CBLIF: variants seen among roughly 807,000 people sequenced by gnomAD.
CBLIF encodes the protein cobalamin binding intrinsic factor.
CBLIF carries 24 observed loss-of-function variants against 44.9 expected under a neutral mutation model. The ratio of observed to expected loss-of-function variants is 0.53; its 90% CI spans 0.39 to 0.75. The LOEUF (loss-of-function observed/expected upper bound fraction) is 0.75. CBLIF is among the 30% of genes least tolerant of loss of function. The pLI is 0.00. For synonymous variants in CBLIF, 183 were observed against 190.9 expected (o/e 0.96, Z 0.34); for missense variants, 481 against 513.0 (o/e 0.94, Z 0.60).
At chr11:59,842,421 G>A (rs202046221) in intron 4 of CBLIF, 22 bp downstream of exon 4, 18 of 1,612,618 alleles carry the variant, frequency 1.1e-5, no homozygotes, top group Middle Eastern at 1.9e-4. Context: ...TTCCCAGCTC[G>A]GGGTAGTGGT....
chr11:59,836,076 T>G, intron 6 of CBLIF, 67 bp from the exon 7 acceptor site: 1 of 1,238,982 alleles, frequency 8.1e-7, no homozygotes, highest in Non-Finnish European at 1.2e-6. Context: ...GCAAAATCTC[T>G]GTTATTGGCA....
At chr11:59,837,105 A>C in intron 6 of CBLIF, 69 bp downstream of exon 6, 6 of 1,196,034 alleles carry the variant, frequency 5.0e-6, no homozygotes, top group Non-Finnish European at 7.5e-6. Context: ...ATGCCACTTA[A>C]CATTGATCCA....
rs769709163 is a variant in CBLIF, at chr11:59,833,254, C to T, written c.1074-1458G>A. Among the ~76,000 whole-genome samples the T allele has an allele frequency of 5.9e-5, 9 of 152,234 alleles. No individual in the cohort carries two copies. The East Asian group carries it at 1.2e-3, about 20-fold the overall frequency. ...TTTTTGGGCCAGACGCAGTGGCTCACGCCAGTAATCCCAGCACTTTGGGAG... is the reference window on the plus strand; with the variant it reads ...TTTTTGGGCCAGACGCAGTGGCTCATGCCAGTAATCCCAGCACTTTGGGAG... On this transcript the variant is annotated intron_variant, in intron 7 of 8. Transcript: ENST00000257248.
chr11:59,841,067 A>G (rs1177520847), intron 5 of CBLIF, 76 bp downstream of exon 5: 2 of 1,042,192 alleles, frequency 1.9e-6, no homozygotes, highest in Non-Finnish European at 3.0e-6. Context: ...AGATGTTAGT[A>G]GAAGCCTGGC....
chr11:59,840,109 T>A (rs482844), intron 5 of CBLIF, among the ~76,000 whole-genome samples: 1 of 107,996 alleles, frequency 9.3e-6, no homozygotes, highest in African/African-American at 7.0e-5. Context: ...GAAGTGGAAA[T>A]TTTTTTTTTT....
chr11:59,841,546 A>G (rs1161423677), intron 4 of CBLIF, among the ~76,000 whole-genome samples: 1 of 152,234 alleles, frequency 6.6e-6, no homozygotes, highest in Non-Finnish European at 1.5e-5. Flanking sequence ...TGAAAGTTGC[A>G]TAACTTCGTT....
At chr11:59,842,337 C>G (rs1360062790) in intron 4 of CBLIF, 106 bp downstream of exon 4, 7 of 1,249,122 alleles carry the variant, frequency 5.6e-6, no homozygotes, top group Non-Finnish European at 8.2e-6. Context: ...ACATCCTTAG[C>G]TCCTCCTCCA....
chr11:59,845,174 A>T (rs956016751), intron 1 of CBLIF: 31 of 669,088 alleles, frequency 4.6e-5, no homozygotes, highest in Admixed American at 2.4e-4. Context: ...CATCTCTCTT[A>T]ATAAAAAACA....
At chr11:59,835,223 G>T (rs140958583) in intron 7 of CBLIF, among the ~76,000 whole-genome samples, 1 of 149,278 alleles carries the variant, frequency 6.7e-6, no homozygotes, top group Non-Finnish European at 1.5e-5. Context: ...TCGGCTCACC[G>T]CAACCTCCGT....
At chr11:59,830,254 T>G (rs1338846248) in intron 8 of CBLIF, among the ~76,000 whole-genome samples, 13 of 142,666 alleles carry the variant, frequency 9.1e-5, no homozygotes, top group Middle Eastern at 3.5e-3. Flanking sequence ...TTTTTTTTTT[T>G]GAAACGGAGT....
intron 7 of CBLIF, among the ~76,000 whole-genome samples, chr11:59,834,951 C>G (rs1866433735): frequency 6.6e-6 from 1 of 152,124 alleles, no homozygotes; most frequent in Non-Finnish European, 1.5e-5. Flanking sequence ...GTCTCCTATT[C>G]TCACGACCTA....
At chr11:59,834,336 CTTTTTCT>C (rs1866423910) in intron 7 of CBLIF, among the ~76,000 whole-genome samples, 1 of 132,720 alleles carries the variant, frequency 7.5e-6, no homozygotes, top group Non-Finnish European at 1.6e-5. Flanking sequence ...TCCTTCCTTC[CTTTTTCT>C]TTCTTTCTCT....
chr11:59,831,030 C>T (rs533684274), intron 8 of CBLIF, among the ~76,000 whole-genome samples: 114 of 152,326 alleles, frequency 7.5e-4, no homozygotes, highest in African/African-American at 2.6e-3. Flanking sequence ...TTTGCCTTTA[C>T]ATGTCTCTGC....
Position 59,843,908 on chromosome 11 carries a change from G to A in CBLIF, c.227C>T (p.Thr76Ile). The A allele has an allele frequency of 1.2e-6, 2 of 1,613,790 alleles. No individual in the cohort carries two copies. The highest frequency in any genetic ancestry group is 1.1e-5 in the South Asian group (1 of 91,078). ...GTTGTCGCTGGACATGAGCTGGTAA[G>A]TCAGGAGCTTCTGGGCCTTCAAGTT... ...AYNLKAQKLLTYQLMSSDNND... is the reference protein window; with the variant it reads ...AYNLKAQKLLIYQLMSSDNND... The change falls in exon 2 of 9, where the codon ACT becomes ATT. Residue 76 changes from threonine to isoleucine, a missense_variant. Thr to Ile is a moderately conservative substitution (Grantham distance 89, BLOSUM62 -1). Coordinates refer to ENST00000257248, the MANE Select transcript of CBLIF (RefSeq NM_005142.3).
At position 59,831,700 on chromosome 11, in the gene CBLIF, A is replaced by G. The variant is rs754822299; in HGVS notation, c.1170T>C (p.Ser390=). 5 of 1,549,068 alleles carry G rather than the reference A, an allele frequency of 3.2e-6. No homozygotes were observed. The highest frequency in any genetic ancestry group is 1.4e-5 in the African/African-American group (1 of 73,784). ...VNHKTYWQFL[S]GVTPLNEGVA... is the part of the protein sequence containing the mutation. ...CACCTTCATTCAAAGGTGTTACACC[A>G]CTAAGAAACTGCCAGTATGTCTTGT... Residue 390 remains serine, a synonymous_variant, in exon 8 of 9, where the codon AGT becomes AGC. Coordinates refer to ENST00000257248, the MANE Select transcript of CBLIF (RefSeq NM_005142.3).
chr11:59,836,113 AG>A, intron 6 of CBLIF, 104 bp from the exon 7 acceptor site: 1 of 901,486 alleles, frequency 1.1e-6, no homozygotes, highest in Non-Finnish European at 1.9e-6. Flanking sequence ...ATTTTGAGAA[AG>A]TAGTGAGTTT....
At chr11:59,834,698 G>T (rs1011962266) in intron 7 of CBLIF, among the ~76,000 whole-genome samples, 2 of 151,806 alleles carry the variant, frequency 1.3e-5, no homozygotes, top group African/African-American at 4.8e-5. Context: ...GGACTATACC[G>T]CCAAAAGCCT....
At chr11:59,831,308 G>T (rs149310286) in intron 8 of CBLIF, among the ~76,000 whole-genome samples, 3 of 151,884 alleles carry the variant, frequency 2.0e-5, no homozygotes, top group Non-Finnish European at 2.9e-5. Context: ...TGAAACTTTT[G>T]TACAAAGCAC....
At position 59,835,855 on chromosome 11, in the gene CBLIF, C is replaced by G; in HGVS notation, c.1026G>C (p.Val342=). 6.2e-7 allele frequency: 1 copy of G among 1,614,146 alleles called. No homozygotes were observed. The highest frequency in any genetic ancestry group is 2.2e-5 in the East Asian group (1 of 44,878). Residue 342 remains valine (V), a synonymous_variant, in exon 7 of 9, where the codon GTG becomes GTC. Coordinates refer to ENST00000257248, the MANE Select transcript of CBLIF (RefSeq NM_005142.3). ...GTGCTTCCTCTAGGACAACAAGTAA[C>G]ACTGACCCACTTTTCACACTAACAT... is the stretch of plus-strand genomic sequence containing the variant. ...TINVSVKSGS[V]LLVVLEEAQR... is the part of the protein sequence containing the mutation.
Sources: allele counts gnomAD v4.1 joint callset (sites outside exome capture counted in the v4.1 genomes callset), GRCh38; gene constraint gnomAD v4.1.1; transcripts MANE v1.5; gene names NCBI Gene and HGNC (gene_info 2026-07-23, HGNC 2026-07-21).